TAB1: variants seen among roughly 807,000 people sequenced by gnomAD.
TAB1 encodes TGF-beta-activated kinase 1 and MAP3K7-binding protein 1.
A neutral mutation model predicts 54.5 loss-of-function variants in TAB1; 30 were observed. That is an observed-to-expected ratio of 0.55 (90% CI 0.41 to 0.75). TAB1 has a LOEUF of 0.75. Ranked by LOEUF, TAB1 falls within the 30% of genes least tolerant of loss-of-function variation. TAB1 has a pLI of 0.00. For missense variants in TAB1, 609 were observed against 683.2 expected (o/e 0.89, Z 1.21); for synonymous variants, 289 against 286.9 (o/e 1.01, Z -0.07).
Position 39,417,825 on chromosome 22 carries a change from A to C in TAB1, c.526A>C (p.Asn176His). 1.1e-5 allele frequency: 17 copies of C among 1,611,692 alleles called. No individual in the cohort carries two copies. The highest frequency in any genetic ancestry group is 1.4e-5 in the Non-Finnish European group (17 of 1,178,862). Residue 176 changes from asparagine (N) to histidine (H), a missense_variant, in exon 5 of 11, where the codon AAC (asparagine) becomes CAC (histidine). Asn to His is a moderately conservative substitution (Grantham distance 68, BLOSUM62 1). Coordinates refer to ENST00000216160, the MANE Select transcript of TAB1 (RefSeq NM_006116.3). ...AMAVVAVLLN[N>H]KLYVANVGTN... ...GGCCGTTGTGGCGGTCCTTCTCAAC[A>C]ACAAGCTCTACGTCGCCAATGTCGG...
chr22:39,404,334 A>C (rs758360101), intron 1 of TAB1, among the ~76,000 whole-genome samples: 8 of 152,184 alleles, frequency 5.3e-5, no homozygotes, highest in Non-Finnish European at 1.0e-4. Context: ...CTGGAATCCC[A>C]GCCCTTTGGG....
At chr22:39,418,870 A>G (rs1158760283) in intron 6 of TAB1, 25 bp downstream of exon 6, 1 of 1,575,402 alleles carries the variant, frequency 6.3e-7, no homozygotes, top group Admixed American at 1.7e-5. Context: ...TGGGAGCGGA[A>G]GCTGATCCCC....
chr22:39,436,523 C>T (rs1196909067), downstream of TAB1: 2 of 1,614,028 alleles, frequency 1.2e-6, no homozygotes, highest in Non-Finnish European at 1.7e-6. Flanking sequence ...ATTTGACAGC[C>T]ATCCCTCAGT....
chr22:39,399,932 A>G lies in TAB1; in HGVS notation c.33+97A>G, dbSNP rs5995731. The G allele has an allele frequency of 2.1e-3, 2,850 of 1,351,970 alleles. 48 individuals carry two copies. In the African/African-American group the frequency reaches 0.037, roughly 17 times the overall value. 83.7% of individuals were successfully genotyped at this position (1,351,970 alleles called of 1,614,324 possible). A position where few individuals can be genotyped will look rare whatever the true frequency, so the allele number is the denominator to read the frequency against. Reference sequence around the variant, plus strand: ...GCTCCTTCTCCGAGTTTGGACAGCCACCCTCTCCGTGGTGGGGTGTGTCAG... The same window carrying G: ...GCTCCTTCTCCGAGTTTGGACAGCCGCCCTCTCCGTGGTGGGGTGTGTCAG... On this transcript the variant is annotated intron_variant, in intron 1 of 10. Transcript: ENST00000216160.
intron 1 of TAB1, among the ~76,000 whole-genome samples, chr22:39,412,448 G>A (rs1926647085): frequency 6.6e-6 from 1 of 152,080 alleles, no homozygotes; most frequent in African/African-American, 2.4e-5. Context: ...TCCTGAGAGT[G>A]GTGGTAGTTA....
In TAB1 at chr22:39,416,823, G is replaced by C; in HGVS notation, c.357G>C (p.Glu119Asp). Residue 119 changes from glutamate to aspartate, a missense_variant, in exon 4 of 11, where the codon GAG becomes GAC. Coordinates refer to ENST00000216160, the MANE Select transcript of TAB1 (RefSeq NM_006116.3). ...AFDVVERSFL[E>D]SIDDALAEKA... ...ATGTGGTGGAGAGGAGCTTCCTGGA[G>C]TCCATTGACGACGCCTTGGCTGAGA... 1 of 1,614,240 alleles carries C rather than the reference G, an allele frequency of 6.2e-7. No individual in the cohort carries two copies. The highest frequency in any genetic ancestry group is 1.6e-4 in the Middle Eastern group (1 of 6,062).
At chr22:39,422,142 A>G (rs1927118406) in intron 8 of TAB1, among the ~76,000 whole-genome samples, 171 bp downstream of exon 8, 1 of 152,072 alleles carries the variant, frequency 6.6e-6, no homozygotes, top group Non-Finnish European at 1.5e-5. Flanking sequence ...ATCCCACCCA[A>G]AAACTTGACT....
chr22:39,403,558 T>A (rs775072921), intron 1 of TAB1, among the ~76,000 whole-genome samples: 3 of 152,106 alleles, frequency 2.0e-5, no homozygotes, highest in African/African-American at 4.8e-5. Flanking sequence ...GATTCCATTC[T>A]TCATGTGATG....
downstream of TAB1, chr22:39,433,464 A>AAG (rs1927663328): frequency 1.0e-6 from 1 of 984,208 alleles, no homozygotes; most frequent in East Asian, 1.1e-4. Context: ...AGAAAAAAAA[A>AAG]AAAGACATCA....
At chr22:39,420,084 A>G (rs1569198851) in intron 7 of TAB1, among the ~76,000 whole-genome samples, 1 of 152,226 alleles carries the variant, frequency 6.6e-6, no homozygotes, top group African/African-American at 2.4e-5. Context: ...TGGCTGCAGC[A>G]GAGGTGTGAG....
At chr22:39,404,849 T>G (rs779351785) in intron 1 of TAB1, among the ~76,000 whole-genome samples, 1 of 152,128 alleles carries the variant, frequency 6.6e-6, no homozygotes, top group Non-Finnish European at 1.5e-5. Flanking sequence ...GAACCTTCAA[T>G]GAAAACTCCG....
At chr22:39,424,528 TC>T (rs1241720423) in intron 8 of TAB1, among the ~76,000 whole-genome samples, 2 of 138,730 alleles carry the variant, frequency 1.4e-5, no homozygotes, top group Admixed American at 7.9e-5. Context: ...CACTGTAACC[TC>T]CACCTCCCGG....
At chr22:39,402,378 T>G (rs191899104) in intron 1 of TAB1, among the ~76,000 whole-genome samples, 1 of 152,288 alleles carries the variant, frequency 6.6e-6, no homozygotes, top group African/African-American at 2.4e-5. Flanking sequence ...TAAGTACAAT[T>G]AGTACTACAA....
chr22:39,425,159 G>C (rs899050416), intron 8 of TAB1, among the ~76,000 whole-genome samples: 2 of 151,730 alleles, frequency 1.3e-5, no homozygotes, highest in Admixed American at 1.3e-4. Flanking sequence ...GATCACTTTA[G>C]GTCAGGAGAT....
At chr22:39,433,391 C>T (rs1345005032), downstream of TAB1, 48 of 912,924 alleles carry the variant, frequency 5.3e-5, no homozygotes, top group Admixed American at 1.2e-4. Context: ...GCGGAGCTTG[C>T]AGTGAGCCAA....
At chr22:39,403,012 T>C (rs1302921337) in intron 1 of TAB1, among the ~76,000 whole-genome samples, 1 of 152,248 alleles carries the variant, frequency 6.6e-6, no homozygotes, top group African/African-American at 2.4e-5. Flanking sequence ...TTGTTGGTGT[T>C]AAAGGAACTG....
At chr22:39,426,657 G>C (rs1175355256) in intron 8 of TAB1, 46 bp from the exon 9 acceptor site, 2 of 1,532,162 alleles carry the variant, frequency 1.3e-6, no homozygotes, top group Non-Finnish European at 8.9e-7. Flanking sequence ...ATGCCCCCCA[G>C]GCCGCACCTC....
chr22:39,418,075 T>C (rs1403384770), intron 5 of TAB1, among the ~76,000 whole-genome samples: 1 of 152,204 alleles, frequency 6.6e-6, no homozygotes, highest in Non-Finnish European at 1.5e-5. Context: ...CCTATTCTGC[T>C]TCTTAACTCA....
At chr22:39,434,708 A>C (rs1927721448), downstream of TAB1, among the ~76,000 whole-genome samples, 1 of 152,200 alleles carries the variant, frequency 6.6e-6, no homozygotes, top group Non-Finnish European at 1.5e-5. Context: ...GACCCCCAGA[A>C]AGGTGAAAGG....
Sources: allele counts gnomAD v4.1 joint callset (sites outside exome capture counted in the v4.1 genomes callset), GRCh38; gene constraint gnomAD v4.1.1; transcripts MANE v1.5; gene names NCBI Gene and HGNC (gene_info 2026-07-23, HGNC 2026-07-21).